The following ZNF462 variants were observed in gnomAD, a reference collection of about 807,000 sequenced individuals.
ZNF462 encodes the protein zinc finger protein 462, also known as zinc finger PBX1-interacting protein.
A neutral mutation model predicts 201.9 loss-of-function variants in ZNF462; 10 were observed. The ratio of observed to expected loss-of-function variants is 0.05; its 90% CI spans 0.03 to 0.08. ZNF462 has a LOEUF of 0.08. ZNF462 is among the 10% of genes least tolerant of loss of function. The pLI is 1.00. For synonymous variants in ZNF462, 1,227 were observed against 1,193.3 expected, an observed-to-expected ratio of 1.03 and a Z score of -0.58; for missense variants, 2,523 against 3,168.3, an observed-to-expected ratio of 0.80 and a Z score of 4.89.
intron 1 of ZNF462, among the ~76,000 whole-genome samples, chr9:106,915,202 T>G (rs1244859415): frequency 2.8e-5 from 4 of 142,798 alleles, no homozygotes; most frequent in Non-Finnish European, 3.0e-5. Context: ...TTTCTGTATG[T>G]TTTTTTTTTT....
intron 1 of ZNF462, among the ~76,000 whole-genome samples, chr9:106,866,619 G>A (rs1054310098): frequency 6.6e-6 from 1 of 151,920 alleles, no homozygotes; most frequent in Non-Finnish European, 1.5e-5. Flanking sequence ...CTCTCCAAGA[G>A]CACTTAAAAA....
At chr9:106,969,335 C>G (rs745628245) in intron 7 of ZNF462, among the ~76,000 whole-genome samples, 2 of 152,164 alleles carry the variant, frequency 1.3e-5, no homozygotes, top group African/African-American at 4.8e-5. Context: ...CCCGTGACTT[C>G]TTGCATTTTT....
intron 7 of ZNF462, among the ~76,000 whole-genome samples, chr9:106,951,617 G>A (rs961049924): frequency 1.2e-4 from 19 of 152,126 alleles, no homozygotes; most frequent in South Asian, 8.3e-4. Flanking sequence ...CAGCCCAGCC[G>A]CACAGCACTA....
intron 7 of ZNF462, among the ~76,000 whole-genome samples, chr9:106,951,387 T>C (rs1831339881): frequency 6.6e-6 from 1 of 152,184 alleles, no homozygotes; most frequent in African/African-American, 2.4e-5. Flanking sequence ...GTCGGAGAAG[T>C]AATTCTGTGC....
intron 1 of ZNF462, among the ~76,000 whole-genome samples, chr9:106,904,110 G>A (rs114371533): frequency 0.012 from 1,849 of 152,200 alleles, 31 homozygotes; most frequent in African/African-American, 0.042. Context: ...AGCAGTTCTC[G>A]TAGTGGTGGT....
Position 106,969,561 on chromosome 9 carries a change from T to C in ZNF462, c.6428-2444T>C, listed in dbSNP as rs933001880. Among the ~76,000 whole-genome samples the C allele has an allele frequency of 1.9e-4, 29 of 152,094 alleles. 1 individual carries two copies. The highest frequency in any genetic ancestry group is 7.0e-4 in the African/African-American group (29 of 41,418). ...GGTCTGGGAGTGCATTCATCTGGCTTATCATCTGGCTAGGAGCCGTTCATT... is the reference window on the plus strand; with the variant it reads ...GGTCTGGGAGTGCATTCATCTGGCTCATCATCTGGCTAGGAGCCGTTCATT... On this transcript the variant is annotated intron_variant, in intron 7 of 12. Transcript: ENST00000277225.
At chr9:106,910,573 G>A (rs1441495793) in intron 1 of ZNF462, among the ~76,000 whole-genome samples, 1 of 151,862 alleles carries the variant, frequency 6.6e-6, no homozygotes, top group African/African-American at 2.4e-5. Flanking sequence ...TTCTGGCTAG[G>A]TTCCTGGGCA....
chr9:106,924,418 A>G lies in ZNF462; in HGVS notation c.506A>G (p.Tyr169Cys). The G allele has an allele frequency of 1.2e-6, 2 of 1,614,202 alleles. No individual in the cohort carries two copies. The highest frequency in any genetic ancestry group is 1.1e-5 in the South Asian group (1 of 91,082). Residue 169 changes from tyrosine (Y) to cysteine (C), a missense_variant, in exon 3 of 13, where the codon TAC (tyrosine) becomes TGC (cysteine). This residue lies in a region of ZNF462 where 480 missense variants were observed against 544.4 expected (regional missense o/e 0.88). Transcript: ENST00000277225. The surrounding 1 kb of genome is among the most constrained non-coding windows in gnomAD (Gnocchi z 6.2). ...GKVFSCQFCT[Y>C]KSPRRARIIK... The stretch of plus-strand genomic sequence containing the variant: ...GTCTTCTCTTGCCAGTTTTGCACAT[A>G]CAAGTCACCAAGAAGGGCAAGAATA...
intron 1 of ZNF462, among the ~76,000 whole-genome samples, chr9:106,899,522 G>GA (rs1249476061): frequency 6.6e-6 from 1 of 152,152 alleles, no homozygotes; most frequent in Non-Finnish European, 1.5e-5. Flanking sequence ...AACCCTGAGA[G>GA]AAAATGGAAT....
rs1826687083 is a variant in ZNF462, at chr9:106,972,675, C to T, written c.6695+403C>T. Among the ~76,000 whole-genome samples the T allele has an allele frequency of 6.6e-6, 1 of 152,070 alleles. No individual in the cohort carries two copies. The highest frequency in any genetic ancestry group is 2.4e-5 in the African/African-American group (1 of 41,386). On this transcript the variant is annotated intron_variant, in intron 8 of 12. Transcript: ENST00000277225. The surrounding 1 kb of genome is among the most constrained non-coding windows in gnomAD (Gnocchi z 4.8). ...GAAAACATCCGGCAGTAGTGTCTTC[C>T]CTGCTCCCCTGATAGAAAATTCTTT...
rs1181521035 is a variant in ZNF462 at position 106,977,077 on chromosome 9, C to A, written c.6832+2804C>A. Among the ~76,000 whole-genome samples the A allele has an allele frequency of 6.6e-6, 1 of 152,160 alleles. No individual in the cohort carries two copies. Among genetic ancestry groups the A allele is most frequent in the Non-Finnish European group, 1.5e-5 (1 of 68,022 alleles). ...GTCAGAGGGGAAGTCCACGGATCCA[C>A]AGGCAGCAGAGTGCCTCAGGACAGC... On this transcript the variant is annotated intron_variant, in intron 9 of 12. Transcript: ENST00000277225. The surrounding 1 kb of genome is among the most constrained non-coding windows in gnomAD (Gnocchi z 4.6).
chr9:106,953,514 G>T (rs1353344272), intron 7 of ZNF462, among the ~76,000 whole-genome samples: 2 of 152,074 alleles, frequency 1.3e-5, no homozygotes, highest in African/African-American at 4.8e-5. Flanking sequence ...TCTTCCCTTG[G>T]TTTTGGTCTT....
chr9:107,008,835 A>G lies in ZNF462; in HGVS notation c.7190-710A>G, dbSNP rs1829743790. Among the ~76,000 whole-genome samples, 1 of 152,218 alleles carries G rather than the reference A, an allele frequency of 6.6e-6. No homozygotes were observed. Among genetic ancestry groups the G allele is most frequent in the Admixed American group, 6.5e-5 (1 of 15,290 alleles). ...TCCAGAAATGTCTGCATATCCCCGT[A>G]TTCATGAATACCACCAATTGAGGGG... is the stretch of plus-strand genomic sequence containing the variant. On this transcript the variant is annotated intron_variant, in intron 11 of 12. Transcript: ENST00000277225. The surrounding 1 kb of genome is among the most constrained non-coding windows in gnomAD (Gnocchi z 4.8).
chr9:107,004,680 TAATTA>T (rs987325214), intron 11 of ZNF462, among the ~76,000 whole-genome samples: 12 of 152,306 alleles, frequency 7.9e-5, no homozygotes, highest in African/African-American at 2.9e-4. Context: ...TAAATCAAGC[TAATTA>T]ACATATGCAT....
rs10114389 is a variant in ZNF462 at position 107,009,921 on chromosome 9, A to G, written c.7313+253A>G. Reference sequence around the variant, plus strand: ...ATCAGTCCTGCTCAAGCCTGTGTGCAGAAGTATAGTGTTTTCTCCAGCCAA... The same window carrying G: ...ATCAGTCCTGCTCAAGCCTGTGTGCGGAAGTATAGTGTTTTCTCCAGCCAA... On this transcript the variant is annotated intron_variant, in intron 12 of 12. Transcript: ENST00000277225. This position sits in a 1 kb window ranked among gnomAD's most constrained non-coding sequence, Gnocchi z 6.1. 0.12 allele frequency among the ~76,000 whole-genome samples: 18,780 copies of G among 152,208 alleles called. 1,331 individuals are homozygous for G. Among genetic ancestry groups the G allele is most frequent in the African/African-American group, 0.18 (7,456 of 41,524 alleles).
In ZNF462 at chr9:106,977,611, C is replaced by T. The variant is rs1204578632; in HGVS notation, c.6832+3338C>T. The stretch of plus-strand genomic sequence containing the variant: ...TTTGCTTGTTACGTGCCACGCTATG[C>T]TTGGTTCTTTGGGCAAAATGGGGAA... On this transcript the variant is annotated intron_variant, in intron 9 of 12. Coordinates refer to ENST00000277225, the MANE Select transcript of ZNF462 (RefSeq NM_021224.6). The surrounding 1 kb of genome is among the most constrained non-coding windows in gnomAD (Gnocchi z 4.6). Among the ~76,000 whole-genome samples, 1 of 151,546 alleles carries T rather than the reference C, an allele frequency of 6.6e-6. No individual in the cohort carries two copies. The highest frequency in any genetic ancestry group is 1.5e-5 in the Non-Finnish European group (1 of 68,030).
chr9:106,994,508 G>T (rs1231634111), intron 10 of ZNF462, among the ~76,000 whole-genome samples: 7 of 151,158 alleles, frequency 4.6e-5, no homozygotes, highest in Non-Finnish European at 7.4e-5. Context: ...ATTTTTTTTT[G>T]GATTGCTTTT....
chr9:106,888,759 C>T (rs903999916), intron 1 of ZNF462, among the ~76,000 whole-genome samples: 1 of 152,134 alleles, frequency 6.6e-6, no homozygotes, highest in African/African-American at 2.4e-5. Context: ...GACTCTTGGA[C>T]CTCTTGAGGA....
At position 106,865,259 on chromosome 9, in the gene ZNF462, G is replaced by A. The variant is rs1827281506; in HGVS notation, c.-31+1904G>A. The stretch of plus-strand genomic sequence containing the variant: ...AAGGGTTTTGACCTCCTTCAGGAAA[G>A]GCAAGGCAAAAACCTTAAAACAGTT... On this transcript the variant is annotated intron_variant, in intron 1 of 12. Transcript: ENST00000277225. This position sits in a 1 kb window ranked among gnomAD's most constrained non-coding sequence, Gnocchi z 4.1. Among the ~76,000 whole-genome samples, 1 of 152,108 alleles carries A rather than the reference G, an allele frequency of 6.6e-6. No homozygotes were observed. The highest frequency in any genetic ancestry group is 2.4e-5 in the African/African-American group (1 of 41,400).
Sources: allele counts gnomAD v4.1 joint callset (sites outside exome capture counted in the v4.1 genomes callset), GRCh38; gene constraint gnomAD v4.1.1; regional missense constraint gnomAD v4.1.1; non-coding constraint Gnocchi (gnomAD v3.1); transcripts MANE v1.5; gene names NCBI Gene and HGNC (gene_info 2026-07-23, HGNC 2026-07-21).